The following TANC2 variants were observed in gnomAD, a reference collection of about 807,000 sequenced individuals.
TANC2 encodes the protein tetratricopeptide repeat, ankyrin repeat and coiled-coil containing 2.
Under a neutral mutation model 210.5 loss-of-function variants are expected in TANC2, and 26 were observed. That is an observed-to-expected ratio of 0.12 (90% CI 0.09 to 0.17). TANC2 has a LOEUF of 0.17. TANC2 is among the 10% of genes least tolerant of loss of function. TANC2 has a pLI of 1.00. For missense variants in TANC2, 2,129 were observed against 2,608.9 expected, an observed-to-expected ratio of 0.82 and a Z score of 4.01; for synonymous variants, 931 against 967.1, an observed-to-expected ratio of 0.96 and a Z score of 0.69.
Position 63,418,533 on chromosome 17 carries a change from A to G in TANC2, c.4268+126A>G. The stretch of plus-strand genomic sequence containing the variant: ...CTGTCCTTGAGAACTGTCAGGGCCA[A>G]GCTTTGGGGATGGCTCCCATAGCAC... On this transcript the variant is annotated intron_variant, in intron 27 of 27. Transcript: ENST00000689528. The surrounding 1 kb of genome is among the most constrained non-coding windows in gnomAD (Gnocchi z 4.6). The G allele has an allele frequency of 1.2e-6, 1 of 805,610 alleles. No individual in the cohort carries two copies. The highest frequency in any genetic ancestry group is 1.9e-6 in the Non-Finnish European group (1 of 514,688). 49.9% of individuals were successfully genotyped at this position (805,610 alleles called of 1,614,324 possible).
At chr17:63,117,308 C>T (rs184537941) in intron 4 of TANC2, 31 of 152,232 alleles carry the variant, frequency 2.0e-4, no homozygotes, top group African/African-American at 6.5e-4. Flanking sequence ...AACTAAACTG[C>T]GCCACAGAGA....
rs116191086 is a variant in TANC2, at chr17:63,363,426, T to C, written c.2582+8036T>C. ...TGCTTTTGGGGTATTGCTCCAGAAGTCTCTATCCAGACCAATGTCTTGAAA... is the reference window on the plus strand; with the variant it reads ...TGCTTTTGGGGTATTGCTCCAGAAGCCTCTATCCAGACCAATGTCTTGAAA... On this transcript the variant is annotated intron_variant, in intron 14 of 27. Coordinates refer to ENST00000689528, the Ensembl canonical transcript of TANC2. Among the ~76,000 whole-genome samples the C allele has an allele frequency of 7.5e-3, 1,144 of 152,308 alleles. 9 individuals are homozygous for C. Among genetic ancestry groups the C allele is most frequent in the African/African-American group, 0.022 (910 of 41,570 alleles).
intron 5 of TANC2, among the ~76,000 whole-genome samples, chr17:63,180,889 T>C (rs536405485): frequency 6.6e-6 from 1 of 151,568 alleles, no homozygotes; most frequent in African/African-American, 2.4e-5. Context: ...CCGGCCATGG[T>C]GGCAGGTGCA....
At chr17:63,316,894 G>A (rs1381142106) in intron 10 of TANC2, among the ~76,000 whole-genome samples, 1 of 151,866 alleles carries the variant, frequency 6.6e-6, no homozygotes, top group Non-Finnish European at 1.5e-5. Flanking sequence ...TTCACTAATA[G>A]TAAGAATGAT....
chr17:63,185,134 A>G (rs1044512045), intron 5 of TANC2, among the ~76,000 whole-genome samples: 3 of 152,012 alleles, frequency 2.0e-5, no homozygotes, highest in African/African-American at 7.2e-5. Context: ...AGCTGGGACT[A>G]CAGGCGTGCA....
intron 5 of TANC2, among the ~76,000 whole-genome samples, chr17:63,190,281 A>G (rs1461909546): frequency 1.3e-5 from 2 of 152,118 alleles, no homozygotes; most frequent in Admixed American, 6.5e-5. Flanking sequence ...TCGAGGCTGC[A>G]GTGAGCCATG....
At chr17:63,261,404 A>C (rs2043352408) in intron 8 of TANC2, among the ~76,000 whole-genome samples, 1 of 152,212 alleles carries the variant, frequency 6.6e-6, no homozygotes, top group African/African-American at 2.4e-5. Flanking sequence ...CAAGATTGGA[A>C]GAAAGGCCTC....
At chr17:63,427,211 A>G (rs1332704488) in exon 28 of TANC2, 1 of 152,196 alleles carries the variant, frequency 6.6e-6, no homozygotes, top group African/African-American at 2.4e-5. Flanking sequence ...TCTCCTCCAA[A>G]TCCAAGATGA....
chr17:63,059,290 G>A (rs1226821218), intron 2 of TANC2, among the ~76,000 whole-genome samples: 1 of 152,018 alleles, frequency 6.6e-6, no homozygotes, highest in African/African-American at 2.4e-5. Flanking sequence ...ATGCACTCAG[G>A]AACAATTAAA....
intron 14 of TANC2, among the ~76,000 whole-genome samples, chr17:63,358,998 G>T (rs966353818): frequency 2.0e-5 from 3 of 151,792 alleles, no homozygotes; most frequent in Non-Finnish European, 4.4e-5. Flanking sequence ...GTGTGTGTGT[G>T]TGTGTGTGTA....
chr17:63,141,693 A>G (rs1333563126), intron 4 of TANC2, among the ~76,000 whole-genome samples: 1 of 152,100 alleles, frequency 6.6e-6, no homozygotes, highest in Non-Finnish European at 1.5e-5. Flanking sequence ...TCACTAACTA[A>G]AAGAAATAGG....
rs1182893598 is a variant in TANC2, at chr17:63,400,404, T to C, written c.3331+1490T>C. On this transcript the variant is annotated intron_variant, in intron 19 of 27. Transcript: ENST00000689528. Reference sequence around the variant, plus strand: ...CATGAATTTCTTATTAGAATAAAATTTTATGGCCTCAGGATTTTTAAAATA... The same window carrying C: ...CATGAATTTCTTATTAGAATAAAATCTTATGGCCTCAGGATTTTTAAAATA... Among the ~76,000 whole-genome samples, 4 of 152,292 alleles carry C rather than the reference T, an allele frequency of 2.6e-5. No individual in the cohort carries two copies. The East Asian group carries it at 5.8e-4, about 22-fold the overall frequency.
At chr17:63,366,219 G>T (rs1017593228) in intron 14 of TANC2, among the ~76,000 whole-genome samples, 1 of 152,134 alleles carries the variant, frequency 6.6e-6, no homozygotes, top group Non-Finnish European at 1.5e-5. Context: ...GTTAAGTGAA[G>T]ACATGCATTT....
chr17:63,132,800 A>T (rs1432500589), intron 4 of TANC2, among the ~76,000 whole-genome samples: 1 of 152,226 alleles, frequency 6.6e-6, no homozygotes, highest in East Asian at 1.9e-4. Flanking sequence ...GCAACTGCAC[A>T]TTCCAGCAAC....
intron 5 of TANC2, among the ~76,000 whole-genome samples, chr17:63,158,391 G>GA (rs1387889557): frequency 3.3e-5 from 5 of 152,000 alleles, no homozygotes; most frequent in Admixed American, 6.5e-5. Context: ...TTACTTCTTG[G>GA]AAAAAAATGT....
At chr17:63,113,419 T>G (rs190161438) in intron 4 of TANC2, among the ~76,000 whole-genome samples, 1 of 152,316 alleles carries the variant, frequency 6.6e-6, no homozygotes, top group African/African-American at 2.4e-5. Context: ...TGGCCTTTCT[T>G]AATTGTAAAT....
chr17:63,233,499 T>TG (rs2042538544), intron 7 of TANC2, among the ~76,000 whole-genome samples: 1 of 152,160 alleles, frequency 6.6e-6, no homozygotes, highest in Non-Finnish European at 1.5e-5. Context: ...GGCTCCTGAG[T>TG]GGGCCATGGC....
At chr17:63,004,673 C>A in intron 1 of TANC2, 1 of 291,120 alleles carries the variant, frequency 3.4e-6, no homozygotes, top group South Asian at 4.3e-5. Flanking sequence ...ACCGTACAGT[C>A]ACCAGAGGTC....
At chr17:63,118,192 CA>C (rs1195941984) in intron 4 of TANC2, among the ~76,000 whole-genome samples, 1 of 152,082 alleles carries the variant, frequency 6.6e-6, no homozygotes, top group African/African-American at 2.4e-5. Context: ...TTTCTTAATA[CA>C]TAAAATCATT....
Sources: gnomAD v4.1 joint callset for allele counts (sites outside exome capture counted in the v4.1 genomes callset) on GRCh38, gnomAD v4.1.1 for gene constraint, Gnocchi (gnomAD v3.1) non-coding constraint, MANE v1.5 for transcripts, NCBI Gene and HGNC (gene_info 2026-07-23, HGNC 2026-07-21) for gene names.